Variants in SLC39A12 observed in about 807,000 individuals in gnomAD.
The protein encoded by SLC39A12 is zinc transporter ZIP12.
SLC39A12 carries 63 observed loss-of-function variants against 71.1 expected under a neutral mutation model. That is an observed-to-expected ratio of 0.89 (90% CI 0.72 to 1.09). The LOEUF (loss-of-function observed/expected upper bound fraction) is 1.09. SLC39A12 is among the 50% of genes least tolerant of loss of function. The pLI, the probability that SLC39A12 is intolerant of heterozygous loss-of-function variation, is 0.00. For synonymous variants in SLC39A12, 351 were observed against 301.3 expected, an observed-to-expected ratio of 1.16 and a Z score of -1.71; for missense variants, 892 against 812.6, an observed-to-expected ratio of 1.10 and a Z score of -1.19.
chr10:18,012,696 T>G (rs1367437884), intron 12 of SLC39A12, among the ~76,000 whole-genome samples: 1 of 151,928 alleles, frequency 6.6e-6, no homozygotes, highest in African/African-American at 2.4e-5. Context: ...GTGAAACCCC[T>G]TCTCTACTAA....
chr10:17,993,814 T>C (rs904752958), intron 9 of SLC39A12, among the ~76,000 whole-genome samples: 1 of 152,234 alleles, frequency 6.6e-6, no homozygotes, highest in Non-Finnish European at 1.5e-5. Flanking sequence ...AAGCACAATG[T>C]CCAATCATGT....
chr10:18,025,670 T>G (rs917083390), intron 12 of SLC39A12, among the ~76,000 whole-genome samples: 4 of 152,068 alleles, frequency 2.6e-5, no homozygotes, highest in Non-Finnish European at 5.9e-5. Flanking sequence ...TCTTTGCTCT[T>G]GTGAATAGTG....
At position 17,985,797 on chromosome 10, in the gene SLC39A12, A is replaced by T. The variant is rs546622063; in HGVS notation, c.1097-1682A>T. Among the ~76,000 whole-genome samples, 25 of 151,570 alleles carry T rather than the reference A, an allele frequency of 1.6e-4. No individual in the cohort carries two copies. In the South Asian group the frequency reaches 1.9e-3, roughly 11 times the overall value. Reference sequence around the variant, plus strand: ...ATTTCTTCTCCCTTCATATATATATATTTTTTCTTTCAAATAAACTTACAA... The same window carrying T: ...ATTTCTTCTCCCTTCATATATATATTTTTTTTCTTTCAAATAAACTTACAA... On this transcript the variant is annotated intron_variant, in intron 6 of 12. Coordinates refer to ENST00000377369, the MANE Select transcript of SLC39A12 (RefSeq NM_001145195.2).
intron 12 of SLC39A12, among the ~76,000 whole-genome samples, chr10:18,019,847 C>G (rs755954392): frequency 3.9e-4 from 60 of 151,924 alleles, no homozygotes; most frequent in Admixed American, 7.2e-4. Flanking sequence ...GTTGAATGTT[C>G]CACGTGAGCT....
intron 4 of SLC39A12, among the ~76,000 whole-genome samples, chr10:17,971,943 C>T (rs1380192542): frequency 6.6e-6 from 1 of 152,004 alleles, no homozygotes; most frequent in African/African-American, 2.4e-5. Context: ...TTTGAAATCT[C>T]CTCTTTTTCG....
At chr10:18,014,370 A>G (rs879812915) in intron 12 of SLC39A12, among the ~76,000 whole-genome samples, 2 of 152,152 alleles carry the variant, frequency 1.3e-5, no homozygotes, top group Non-Finnish European at 2.9e-5. Context: ...AAAAATATAC[A>G]CCTACTGCTT....
At chr10:18,035,638 TCTC>T (rs1200563649) in intron 12 of SLC39A12, among the ~76,000 whole-genome samples, 19 of 152,346 alleles carry the variant, frequency 1.2e-4, no homozygotes, top group Non-Finnish European at 2.2e-4. Context: ...GAAGCCTTCT[TCTC>T]TCAGCTCGTC....
intron 12 of SLC39A12, among the ~76,000 whole-genome samples, chr10:18,042,047 G>A (rs954559772): frequency 1.3e-5 from 2 of 151,638 alleles, no homozygotes; most frequent in East Asian, 1.9e-4. Flanking sequence ...ACATCAACCT[G>A]TGCATATAGT....
chr10:18,000,890 TGGTTTACTA>T, intron 11 of SLC39A12, 65 bp downstream of exon 11: 1 of 1,457,932 alleles, frequency 6.9e-7, no homozygotes, highest in South Asian at 1.2e-5. Context: ...TTTCCAGCTA[TGGTTTACTA>T]GGATTCTTTT....
intron 12 of SLC39A12, among the ~76,000 whole-genome samples, chr10:18,027,392 G>A (rs1204617435): frequency 6.6e-6 from 1 of 152,262 alleles, no homozygotes; most frequent in Non-Finnish European, 1.5e-5. Flanking sequence ...CTTGTTAAGA[G>A]CAGAATGCTC....
At chr10:18,021,959 G>T (rs1484535280) in intron 12 of SLC39A12, among the ~76,000 whole-genome samples, 3 of 152,156 alleles carry the variant, frequency 2.0e-5, no homozygotes, top group Non-Finnish European at 2.9e-5. Context: ...ACATCTTCTG[G>T]CTTGTAGGGT....
chr10:17,978,955 C>G (rs1330970486), intron 5 of SLC39A12, among the ~76,000 whole-genome samples: 1 of 152,160 alleles, frequency 6.6e-6, no homozygotes, highest in Non-Finnish European at 1.5e-5. Flanking sequence ...AACCCAGAAT[C>G]TACTGAATCA....
intron 12 of SLC39A12, among the ~76,000 whole-genome samples, chr10:18,028,386 A>G (rs994544774): frequency 6.6e-6 from 1 of 152,216 alleles, no homozygotes; most frequent in East Asian, 1.9e-4. Flanking sequence ...ATGTTGAAAT[A>G]TTTGATAATG....
intron 2 of SLC39A12, among the ~76,000 whole-genome samples, chr10:17,961,075 G>C (rs11011721): frequency 6.6e-6 from 1 of 152,000 alleles, no homozygotes; most frequent in African/African-American, 2.4e-5. Context: ...GTTGTGAGAG[G>C]GTGACAATTT....
intron 5 of SLC39A12, 49 bp from the exon 6 acceptor site, chr10:17,981,263 A>G: frequency 6.7e-7 from 1 of 1,497,202 alleles, no homozygotes; most frequent in Non-Finnish European, 9.1e-7. Context: ...TGGAGAATCT[A>G]GTTTAAATAT....
chr10:18,030,571 A>G (rs1276335633), intron 12 of SLC39A12, among the ~76,000 whole-genome samples: 1 of 151,796 alleles, frequency 6.6e-6, no homozygotes, highest in Non-Finnish European at 1.5e-5. Flanking sequence ...TCTGCCTTGA[A>G]AACATAGAAC....
intron 4 of SLC39A12, among the ~76,000 whole-genome samples, chr10:17,975,025 C>T (rs1835074771): frequency 6.6e-6 from 1 of 152,308 alleles, no homozygotes; most frequent in South Asian, 2.1e-4. Context: ...GCAGAGGAGC[C>T]TTACTCTGTG....
At chr10:18,034,580 A>T (rs1433285571) in intron 12 of SLC39A12, among the ~76,000 whole-genome samples, 1 of 151,056 alleles carries the variant, frequency 6.6e-6, no homozygotes, top group Non-Finnish European at 1.5e-5. Flanking sequence ...CAGCACACTG[A>T]TGGGTCTTGA....
At chr10:18,000,369 A>C (rs1272678928) in intron 10 of SLC39A12, among the ~76,000 whole-genome samples, 2 of 152,220 alleles carry the variant, frequency 1.3e-5, no homozygotes, top group Non-Finnish European at 2.9e-5. Flanking sequence ...TGGGGAGGCT[A>C]TAACATGGGT....
Sources: gnomAD v4.1 joint callset for allele counts (sites outside exome capture counted in the v4.1 genomes callset) on GRCh38, gnomAD v4.1.1 for gene constraint, MANE v1.5 for transcripts, NCBI Gene and HGNC (gene_info 2026-07-23, HGNC 2026-07-21) for gene names.